ZNF346: variants seen among roughly 807,000 people sequenced by gnomAD.
ZNF346 encodes double-stranded RNA-binding zinc finger protein JAZ.
In ZNF346, 23 loss-of-function variants were observed where a neutral mutation model predicts 33.7. The ratio of observed to expected loss-of-function variants is 0.68; its 90% CI spans 0.49 to 0.97. The LOEUF (loss-of-function observed/expected upper bound fraction) is 0.97, where lower values mean the gene tolerates loss of function less well. ZNF346 is among the 50% of genes least tolerant of loss of function. The probability of loss-of-function intolerance (pLI) is 0.00; values close to 1 mark genes in which losing one functional copy is unlikely to be tolerated. For missense variants in ZNF346, 340 were observed against 371.1 expected, an observed-to-expected ratio of 0.92 and a Z score of 0.69; for synonymous variants, 134 against 142.4, an observed-to-expected ratio of 0.94 and a Z score of 0.42.
At chr5:177,052,284 CAGCCTCCTGAGT>C (rs1374487503) in intron 5 of ZNF346, 4 of 151,908 alleles carry the variant, frequency 2.6e-5, no homozygotes, top group Non-Finnish European at 5.9e-5. Flanking sequence ...TCTTATGCCT[CAGCCTCCTGAGT>C]AGCTGGGATT....
intron 5 of ZNF346, chr5:177,052,655 G>C (rs1165280864): frequency 1.3e-5 from 2 of 152,196 alleles, no homozygotes; most frequent in Admixed American, 1.3e-4. Context: ...CCTATCAGCA[G>C]AATTTAGACC....
At chr5:177,062,447 A>C (rs1372463138) in intron 6 of ZNF346, among the ~76,000 whole-genome samples, 1 of 152,212 alleles carries the variant, frequency 6.6e-6, no homozygotes, top group East Asian at 1.9e-4. Flanking sequence ...TGACTGGGGA[A>C]GTGCTTTTCC....
chr5:177,068,935 A>T (rs1248930995), downstream of ZNF346, among the ~76,000 whole-genome samples: 1 of 143,314 alleles, frequency 7.0e-6, no homozygotes, highest in Non-Finnish European at 1.5e-5. Context: ...ACATGTATAC[A>T]TTGGGGCAGT....
intron 1 of ZNF346, among the ~76,000 whole-genome samples, chr5:177,038,769 G>A (rs1008092380): frequency 5.9e-5 from 9 of 152,120 alleles, no homozygotes; most frequent in South Asian, 2.1e-4. Context: ...CTCCAGGTGA[G>A]GAAGTGATGA....
chr5:177,036,250 G>GAAAC (rs1221727197), intron 1 of ZNF346, among the ~76,000 whole-genome samples: 1 of 152,152 alleles, frequency 6.6e-6, no homozygotes, highest in Non-Finnish European at 1.5e-5. Flanking sequence ...ATAGTCTGGG[G>GAAAC]TTTCTCACAG....
intron 4 of ZNF346, among the ~76,000 whole-genome samples, chr5:177,048,649 G>A (rs922053359): frequency 3.9e-5 from 6 of 151,976 alleles, no homozygotes; most frequent in Admixed American, 6.6e-5. Context: ...AGGAAAAGTC[G>A]GAAAATAGTG....
chr5:177,028,789 G>T (rs1213012565), intron 1 of ZNF346, among the ~76,000 whole-genome samples: 1 of 135,280 alleles, frequency 7.4e-6, no homozygotes, highest in South Asian at 2.3e-4. Flanking sequence ...GTGCGATCTC[G>T]GCTCACTGCA....
rs185249180 is a variant in ZNF346, at chr5:177,047,118, G to A, written c.517+2585G>A. 2.6e-3 allele frequency among the ~76,000 whole-genome samples: 392 copies of A among 151,286 alleles called. 14 individuals are homozygous for A. The East Asian group carries it at 0.061, about 24-fold the overall frequency. Reference sequence around the variant, plus strand: ...GGCTGGAGTGCAGTGGCACGATCTCGGCTCACTGCAACCTCCGCCTCCTGG... The same window carrying A: ...GGCTGGAGTGCAGTGGCACGATCTCAGCTCACTGCAACCTCCGCCTCCTGG... On this transcript the variant is annotated intron_variant, in intron 4 of 6. Transcript: ENST00000358149.
Position 177,067,346 on chromosome 5 carries a change from C to T in ZNF346, c.*2747C>T, listed in dbSNP as rs944762365. ...AGACAGCCAGATTTGAGGAAGGGGC[C>T]CAGGCAGCCTCAGCTCCCATTCAGT... On this transcript the variant is annotated 3_prime_UTR_variant, in exon 7 of 7. Transcript: ENST00000358149. Among the ~76,000 whole-genome samples the T allele has an allele frequency of 5.9e-5, 9 of 152,136 alleles. No individual in the cohort carries two copies. The highest frequency in any genetic ancestry group is 2.2e-4 in the African/African-American group (9 of 41,422).
intron 8 of ZNF346, among the ~76,000 whole-genome samples, chr5:177,075,962 C>T (rs551025017): frequency 6.6e-6 from 1 of 152,232 alleles, no homozygotes; most frequent in Admixed American, 6.5e-5. Flanking sequence ...GCTGGGATTA[C>T]AGGCGTGAGC....
At chr5:177,063,754 G>A (rs895819059) in intron 6 of ZNF346, among the ~76,000 whole-genome samples, 5 of 152,068 alleles carry the variant, frequency 3.3e-5, no homozygotes, top group South Asian at 2.1e-4. Context: ...CAGGTGTGGC[G>A]GCACACACCT....
In ZNF346 at chr5:177,064,515, A is replaced by G. The variant is rs1401135942; in HGVS notation, c.801A>G (p.Ser267=). Residue 267 remains serine, a synonymous_variant, in exon 7 of 7, where the codon TCA becomes TCG. Transcript: ENST00000358149. ...CTTTGTTCCTTCTCAAATACAGGTC[A>G]CCAAAAACAGTGGCATCATCCCTGG... ...HVSGFKHKNQ[S]PKTVASSLGQ... is the part of the protein sequence containing the mutation. 10 of 1,614,052 alleles carry G rather than the reference A, an allele frequency of 6.2e-6. No homozygotes were observed. The highest frequency in any genetic ancestry group is 8.5e-6 in the Non-Finnish European group (10 of 1,179,868).
At chr5:177,051,152 T>C (rs942743016) in intron 5 of ZNF346, among the ~76,000 whole-genome samples, 3 of 151,562 alleles carry the variant, frequency 2.0e-5, no homozygotes, top group Non-Finnish European at 4.4e-5. Context: ...TGTTACCATA[T>C]CTTTCAGGTT....
intron 5 of ZNF346, among the ~76,000 whole-genome samples, chr5:177,051,533 TTTG>T (rs989514932): frequency 2.0e-5 from 3 of 150,062 alleles, no homozygotes; most frequent in Non-Finnish European, 4.4e-5. Context: ...TCCCTCTGTT[TTTG>T]TTTTTGCGTT....
chr5:177,040,747 T>C (rs1192759534), intron 1 of ZNF346, among the ~76,000 whole-genome samples: 2 of 152,190 alleles, frequency 1.3e-5, no homozygotes, highest in African/African-American at 4.8e-5. Context: ...GGGAAGAAGT[T>C]TCAGTTGGGT....
rs1397573499 is a variant in ZNF346, at chr5:177,077,756, G to A, written c.*3-1626G>A. The stretch of plus-strand genomic sequence containing the variant: ...TCCCCCGTGGACTGCTAGTAGGGGA[G>A]GACCACGACATCAAGAAAAGTTTGA... On this transcript the variant is annotated intron_variant, in intron 8 of 8. Coordinates refer to the ZNF346 transcript ENST00000503039. The surrounding 1 kb of genome is among the most constrained non-coding windows in gnomAD (Gnocchi z 5.0). Among the ~76,000 whole-genome samples, 3 of 152,152 alleles carry A rather than the reference G, an allele frequency of 2.0e-5. No homozygotes were observed. Among genetic ancestry groups the A allele is most frequent in the South Asian group, 2.1e-4 (1 of 4,836 alleles).
chr5:177,074,354 T>C (rs2149719918), intron 8 of ZNF346, among the ~76,000 whole-genome samples: 1 of 152,128 alleles, frequency 6.6e-6, no homozygotes, highest in East Asian at 1.9e-4. Context: ...AGTTGCCAAG[T>C]GGGAATGTCT....
At chr5:177,073,803 C>A (rs1783613732) in intron 8 of ZNF346, among the ~76,000 whole-genome samples, 1 of 147,660 alleles carries the variant, frequency 6.8e-6, no homozygotes, top group South Asian at 2.2e-4. Context: ...TATCATTGCT[C>A]CCATCAAGAT....
intron 4 of ZNF346, among the ~76,000 whole-genome samples, chr5:177,046,529 T>G (rs1040211772): frequency 3.3e-5 from 5 of 152,194 alleles, no homozygotes; most frequent in African/African-American, 9.6e-5. Flanking sequence ...CTTAAGCACA[T>G]TTCCATGTTA....
Sources: gnomAD v4.1 joint callset for allele counts (sites outside exome capture counted in the v4.1 genomes callset) on GRCh38, gnomAD v4.1.1 for gene constraint, Gnocchi (gnomAD v3.1) non-coding constraint, MANE v1.5 for transcripts, NCBI Gene and HGNC (gene_info 2026-07-23, HGNC 2026-07-21) for gene names.